HIRA: variants seen among roughly 807,000 people sequenced by gnomAD.
HIRA encodes the protein histone cell cycle regulator, also known as protein HIRA.
A neutral mutation model predicts 126.6 loss-of-function variants in HIRA; 13 were observed. That is an observed-to-expected ratio of 0.10 (90% CI 0.07 to 0.16). HIRA has a LOEUF of 0.16. HIRA is among the 10% of genes least tolerant of loss of function. The probability of loss-of-function intolerance (pLI) is 1.00; values close to 1 mark genes in which losing one functional copy is unlikely to be tolerated. For synonymous variants in HIRA, 511 were observed against 520.0 expected (o/e 0.98, Z 0.24); for missense variants, 834 against 1,314.4 (o/e 0.63, Z 5.65).
At chr22:19,405,922 T>G (rs2089304693) in intron 4 of HIRA, 42 bp from the exon 5 acceptor site, 1 of 1,298,308 alleles carries the variant, frequency 7.7e-7, no homozygotes, top group Non-Finnish European at 1.0e-6. Flanking sequence ...TGGAGTGCTC[T>G]GGGCACTGCA....
At chr22:19,395,797 A>C (rs2089218867) in intron 7 of HIRA, among the ~76,000 whole-genome samples, 1 of 151,894 alleles carries the variant, frequency 6.6e-6, no homozygotes, top group Non-Finnish European at 1.5e-5. Flanking sequence ...AAGAGGAGAG[A>C]CTCCATCTCA....
intron 24 of HIRA, among the ~76,000 whole-genome samples, chr22:19,350,384 T>A (rs1254877785): frequency 6.6e-6 from 1 of 152,162 alleles, no homozygotes; most frequent in Non-Finnish European, 1.5e-5. Context: ...AACTCTTAGA[T>A]CCATACCTTC....
In HIRA at chr22:19,331,137, G is replaced by A. The variant is rs782663535; in HGVS notation, c.*303C>T. Reference sequence around the variant, plus strand: ...AGGGGCTAGTGTCCACCTTGGGGCCGTGCTGGAGACGGCAGGCCTGGGACT... The same window carrying A: ...AGGGGCTAGTGTCCACCTTGGGGCCATGCTGGAGACGGCAGGCCTGGGACT... On this transcript the variant is annotated 3_prime_UTR_variant, in exon 25 of 25. Transcript: ENST00000263208. 41 of 1,318,206 alleles carry A rather than the reference G, an allele frequency of 3.1e-5. No individual in the cohort carries two copies. Among genetic ancestry groups the A allele is most frequent in the Middle Eastern group, 2.8e-4 (1 of 3,596 alleles). The allele number at this position is 1,318,206 out of a possible 1,614,324, so 81.7% of individuals were successfully genotyped here.
In HIRA at chr22:19,375,810, G is replaced by A. The variant is rs776814384; in HGVS notation, c.1614-18C>T. Reference sequence around the variant, plus strand: ...CATTCATACTGGGGTGAAGAAGAGGGGAGGCATGTCAAGCGCAATCCTGAA... The same window carrying A: ...CATTCATACTGGGGTGAAGAAGAGGAGAGGCATGTCAAGCGCAATCCTGAA... On this transcript the variant is annotated intron_variant, in intron 14 of 24. Transcript: ENST00000263208. 4 of 1,613,580 alleles carry A rather than the reference G, an allele frequency of 2.5e-6. No individual in the cohort carries two copies. Among genetic ancestry groups the A allele is most frequent in the Non-Finnish European group, 3.4e-6 (4 of 1,179,620 alleles).
intron 21 of HIRA, among the ~76,000 whole-genome samples, chr22:19,355,401 C>T (rs2088801610): frequency 6.6e-6 from 1 of 152,170 alleles, no homozygotes; most frequent in Non-Finnish European, 1.5e-5. Flanking sequence ...TTACTAAGCT[C>T]ACAGAAATTG....
At chr22:19,402,687 G>A (rs952552020) in intron 5 of HIRA, among the ~76,000 whole-genome samples, 1 of 152,122 alleles carries the variant, frequency 6.6e-6, no homozygotes, top group Middle Eastern at 3.2e-3. Context: ...AGAAATTCCA[G>A]AGCAACAAAT....
chr22:19,335,692 C>A lies in HIRA; in HGVS notation c.2938-4136G>T, dbSNP rs933017162. Reference sequence around the variant, plus strand: ...TCCTAAACTCCATTTATTGAATAGCCCCCCCTATTTTTCCCACTGTATCTG... The same window carrying A: ...TCCTAAACTCCATTTATTGAATAGCACCCCCTATTTTTCCCACTGTATCTG... On this transcript the variant is annotated intron_variant, in intron 24 of 24. Coordinates refer to ENST00000263208, the MANE Select transcript of HIRA (RefSeq NM_003325.4). Among the ~76,000 whole-genome samples, 15 of 151,574 alleles carry A rather than the reference C, an allele frequency of 9.9e-5. No homozygotes were observed. The East Asian group carries it at 2.1e-3, about 21-fold the overall frequency.
intron 23 of HIRA, among the ~76,000 whole-genome samples, chr22:19,352,505 G>C (rs778573645): frequency 2.0e-5 from 3 of 151,966 alleles, no homozygotes; most frequent in Non-Finnish European, 4.4e-5. Context: ...GGGAGGGAGG[G>C]GAGGCTTCAA....
intron 15 of HIRA, among the ~76,000 whole-genome samples, chr22:19,372,246 T>G (rs985007840): frequency 6.6e-6 from 1 of 152,224 alleles, no homozygotes; most frequent in Non-Finnish European, 1.5e-5. Flanking sequence ...CCAACACTTA[T>G]TATCTGACTA....
chr22:19,396,204 G>C (rs149039671), intron 7 of HIRA, among the ~76,000 whole-genome samples: 1 of 152,286 alleles, frequency 6.6e-6, no homozygotes, highest in Non-Finnish European at 1.5e-5. Context: ...CATCTCTAAG[G>C]TTCACTTCAA....
chr22:19,355,982 C>A lies in HIRA; in HGVS notation c.2456-117G>T, dbSNP rs5993612. On this transcript the variant is annotated intron_variant, in intron 20 of 24. Coordinates refer to ENST00000263208, the MANE Select transcript of HIRA (RefSeq NM_003325.4). ...ACAGTCCCAGCAGCAAATGCATCAACACTGCCTTGGCAAATAGGGAGGGCA... is the reference window on the plus strand; with the variant it reads ...ACAGTCCCAGCAGCAAATGCATCAAAACTGCCTTGGCAAATAGGGAGGGCA... 6.2e-3 allele frequency: 4,799 copies of A among 780,096 alleles called. 153 individuals are homozygous for A. In the African/African-American group the frequency reaches 0.07, roughly 11 times the overall value. 48.3% of individuals were successfully genotyped at this position (780,096 alleles called of 1,614,324 possible).
chr22:19,403,325 TC>T (rs2089284206), intron 5 of HIRA, among the ~76,000 whole-genome samples: 1 of 152,164 alleles, frequency 6.6e-6, no homozygotes, highest in African/African-American at 2.4e-5. Flanking sequence ...ATTACTATTT[TC>T]TGGCCGGTCA....
chr22:19,376,796 C>T (rs9618552), intron 14 of HIRA, among the ~76,000 whole-genome samples: 13,319 of 152,226 alleles, frequency 0.087, 1,943 homozygotes, highest in African/African-American at 0.3. Context: ...ATTGCTCTGA[C>T]GGTATCAGCT....
intron 5 of HIRA, among the ~76,000 whole-genome samples, chr22:19,403,463 G>T (rs7289591): frequency 1 from 152,150 of 152,150 alleles, 76,075 homozygotes; most frequent in Non-Finnish European, 1. Context: ...CAAAAAAAAA[G>T]TGGCCGGGTG....
chr22:19,392,009 G>T, intron 9 of HIRA, 92 bp downstream of exon 9: 1 of 669,120 alleles, frequency 1.5e-6, no homozygotes, highest in Non-Finnish European at 2.6e-6. Context: ...TACACTCTTA[G>T]CATCACCCAA....
At chr22:19,417,416 G>T (rs948720198) in intron 1 of HIRA, among the ~76,000 whole-genome samples, 15 of 150,428 alleles carry the variant, frequency 1.0e-4, no homozygotes, top group African/African-American at 3.4e-4. Context: ...GAGGTCAAGA[G>T]ATCAAGACCA....
At chr22:19,396,174 G>C (rs1009844496) in intron 7 of HIRA, among the ~76,000 whole-genome samples, 7 of 152,186 alleles carry the variant, frequency 4.6e-5, no homozygotes, top group Non-Finnish European at 1.0e-4. Flanking sequence ...AGTGAGCTGG[G>C]TGACAGAATG....
Position 19,359,409 on chromosome 22 carries a change from G to A in HIRA, c.2161C>T (p.Leu721=), listed in dbSNP as rs1355139779. The A allele has an allele frequency of 6.2e-7, 1 of 1,610,726 alleles. No individual in the cohort carries two copies. Among genetic ancestry groups the A allele is most frequent in the East Asian group, 2.2e-5 (1 of 44,668 alleles). Residue 721 remains leucine (L), a synonymous_variant, in exon 18 of 25, where the codon CTG becomes TTG. Coordinates refer to ENST00000263208, the MANE Select transcript of HIRA (RefSeq NM_003325.4). The part of the protein sequence containing the change: ...TVVGGVKLSR[L]KCNREGKEWE... Reference sequence around the variant, plus strand: ...TCCTTCCCTTCCCGGTTGCACTTCAGGCGGCTCAGCTTCACGCCCCCCACC... The same window carrying A: ...TCCTTCCCTTCCCGGTTGCACTTCAAGCGGCTCAGCTTCACGCCCCCCACC...
In HIRA at chr22:19,378,081, G is replaced by C; in HGVS notation, c.1416-15C>G. 1 of 1,517,858 alleles carries C rather than the reference G, an allele frequency of 6.6e-7. No individual in the cohort carries two copies. The highest frequency in any genetic ancestry group is 2.4e-5 in the East Asian group (1 of 41,756). 94.0% of individuals were successfully genotyped at this position (1,517,858 alleles called of 1,614,324 possible). A position where few individuals can be genotyped will look rare whatever the true frequency, so the allele number is the denominator to read the frequency against. ...TGGAGAAGTCCCTGTCATCAAGTAA[G>C]AACAAAAGTCAGCCTTGAAAGTCAG... is the stretch of plus-strand genomic sequence containing the variant. On this transcript the variant is annotated splice_polypyrimidine_tract_variant and intron_variant, in intron 13 of 24. Transcript: ENST00000263208.
Sources: allele counts gnomAD v4.1 joint callset (sites outside exome capture counted in the v4.1 genomes callset), GRCh38; gene constraint gnomAD v4.1.1; transcripts MANE v1.5; gene names NCBI Gene and HGNC (gene_info 2026-07-23, HGNC 2026-07-21).